RFX6: variants seen among roughly 807,000 people sequenced by gnomAD.
RFX6 encodes the protein regulatory factor X6.
RFX6 carries 50 observed loss-of-function variants against 110.8 expected under a neutral mutation model. The ratio of observed to expected loss-of-function variants is 0.45; its 90% CI spans 0.36 to 0.57. The LOEUF is 0.57. Ranked by LOEUF, RFX6 falls within the 20% of genes least tolerant of loss-of-function variation. RFX6 has a pLI of 0.00. For missense variants in RFX6, 990 were observed against 1,127.0 expected, an observed-to-expected ratio of 0.88 and a Z score of 1.74; for synonymous variants, 383 against 411.2, an observed-to-expected ratio of 0.93 and a Z score of 0.83.
intron 12 of RFX6, among the ~76,000 whole-genome samples, chr6:116,921,256 A>C (rs1345487765): frequency 6.6e-6 from 1 of 152,246 alleles, no homozygotes; most frequent in East Asian, 1.9e-4. Flanking sequence ...AACCTTTAAT[A>C]AAAGGATAGT....
At position 116,877,492 on chromosome 6, in the gene RFX6, A is replaced by G. The variant is rs1774487288; in HGVS notation, c.217A>G (p.Lys73Glu). The G allele has an allele frequency of 1.9e-6, 3 of 1,556,016 alleles. No individual in the cohort carries two copies. Among genetic ancestry groups the G allele is most frequent in the Non-Finnish European group, 1.7e-6 (2 of 1,149,348 alleles). The change falls in exon 1 of 19, where the codon AAA becomes GAA. Residue 73 changes from lysine (K) to glutamate (E), a missense_variant. Transcript: ENST00000332958. ...AGACCCGGAGCTGCCGGGGGCAGTG[A>G]AATCAGGTGAGTGCTCTGCCGCATC... ...GEDPELPGAV[K>E]SEMHLNNGNF... is the part of the protein sequence containing the mutation.
At chr6:116,907,571 C>T (rs879787982) in intron 6 of RFX6, among the ~76,000 whole-genome samples, 1 of 152,032 alleles carries the variant, frequency 6.6e-6, no homozygotes, top group Non-Finnish European at 1.5e-5. Context: ...AAGTTCATCC[C>T]ATGTTGGTTG....
intron 6 of RFX6, among the ~76,000 whole-genome samples, chr6:116,907,915 T>C (rs1017482317): frequency 6.6e-6 from 1 of 152,122 alleles, no homozygotes; most frequent in Non-Finnish European, 1.5e-5. Flanking sequence ...TGTTATTATC[T>C]GTTATCTGTA....
intron 9 of RFX6, 137 bp downstream of exon 9, chr6:116,916,451 C>A: frequency 1.5e-6 from 1 of 685,300 alleles, no homozygotes; most frequent in South Asian, 1.6e-5. Context: ...GATGAGAAAG[C>A]AAGCAATTTA....
intron 6 of RFX6, among the ~76,000 whole-genome samples, chr6:116,896,967 A>G (rs1281760046): frequency 6.6e-6 from 1 of 152,146 alleles, no homozygotes; most frequent in Non-Finnish European, 1.5e-5. Context: ...CTAGGAGACA[A>G]AATGGTGAAT....
chr6:116,896,787 C>A (rs339344), intron 6 of RFX6, among the ~76,000 whole-genome samples: 3 of 151,970 alleles, frequency 2.0e-5, no homozygotes, highest in Admixed American at 2.0e-4. Context: ...TCTTCATATA[C>A]GTCAGTTCAT....
intron 6 of RFX6, among the ~76,000 whole-genome samples, chr6:116,898,010 TGA>T (rs1562137713): frequency 6.6e-6 from 1 of 151,552 alleles, no homozygotes; most frequent in Non-Finnish European, 1.5e-5. Flanking sequence ...TTGTGAAAAG[TGA>T]GAGAGGAAGA....
intron 7 of RFX6, among the ~76,000 whole-genome samples, chr6:116,912,497 T>C (rs1380511289): frequency 6.6e-6 from 1 of 152,182 alleles, no homozygotes; most frequent in Non-Finnish European, 1.5e-5. Flanking sequence ...TTTTACCTTA[T>C]AGATGTAATG....
At chr6:116,883,415 CA>C (rs1774634210) in intron 4 of RFX6, among the ~76,000 whole-genome samples, 1 of 152,088 alleles carries the variant, frequency 6.6e-6, no homozygotes, top group Admixed American at 6.6e-5. Context: ...ACATCACATC[CA>C]GCACTGATCA....
chr6:116,908,669 T>TACACACAC lies in RFX6; in HGVS notation c.673-2254_673-2247dup, dbSNP rs753592440. On this transcript the variant is annotated intron_variant, in intron 6 of 18. Transcript: ENST00000332958. Reference sequence around the variant, plus strand: ...ATTAAGTTTTCCTCTATTTCTAGCATACACACACACACACACACAGACACA... The same window carrying TACACACAC: ...ATTAAGTTTTCCTCTATTTCTAGCATACACACACACACACACACACACACACAGACACA... Among the ~76,000 whole-genome samples the TACACACAC allele has an allele frequency of 6.9e-3, 708 of 102,344 alleles. 7 individuals are homozygous for TACACACAC. Among genetic ancestry groups the TACACACAC allele is most frequent in the African/African-American group, 0.023 (663 of 28,764 alleles). 67.1% of individuals were successfully genotyped at this position (102,344 alleles called of 152,430 possible). A position where few individuals can be genotyped will look rare whatever the true frequency, so the allele number is the denominator to read the frequency against.
intron 7 of RFX6, among the ~76,000 whole-genome samples, chr6:116,913,961 T>C (rs1243559640): frequency 6.6e-6 from 1 of 152,240 alleles, no homozygotes; most frequent in Non-Finnish European, 1.5e-5. Context: ...TCTAGCTACT[T>C]TGAATATGCA....
At position 116,927,313 on chromosome 6, in the gene RFX6, T is replaced by G. The variant is rs778316762; in HGVS notation, c.2172T>G (p.His724Gln). The change falls in exon 17 of 19, where the codon CAT becomes CAG. Residue 724 changes from histidine to glutamine, a missense_variant. This residue lies in a region of RFX6 where 438 missense variants were observed against 441.9 expected (regional missense o/e 0.99). Transcript: ENST00000332958. Reference sequence around the variant, plus strand: ...GACTCTATCCTCATCACACCGAGCATGGTCGATGCATGGCTTGGACTGAAC... The same window carrying G: ...GACTCTATCCTCATCACACCGAGCAGGGTCGATGCATGGCTTGGACTGAAC... ...TSGLYPHHTE[H>Q]GRCMAWTEQQ... 3 of 1,614,196 alleles carry G rather than the reference T, an allele frequency of 1.9e-6. No homozygotes were observed. The highest frequency in any genetic ancestry group is 2.5e-6 in the Non-Finnish European group (3 of 1,180,016).
intron 7 of RFX6, among the ~76,000 whole-genome samples, chr6:116,914,202 T>G (rs1775416235): frequency 1.3e-5 from 2 of 152,154 alleles, no homozygotes; most frequent in Non-Finnish European, 2.9e-5. Flanking sequence ...TCTGCTTGGC[T>G]TATTCTACTT....
At chr6:116,896,937 G>A (rs1774960902) in intron 6 of RFX6, among the ~76,000 whole-genome samples, 1 of 152,150 alleles carries the variant, frequency 6.6e-6, no homozygotes, top group Admixed American at 6.6e-5. Flanking sequence ...TTAATTAACA[G>A]ATGTATTACA....
chr6:116,927,150 C>T lies in RFX6; in HGVS notation c.2009C>T (p.Pro670Leu), dbSNP rs1350175625. ...PMAGRPPSVG[P>L]VLSAPSHCST... ...GCAGGGAGGCCCCCAAGTGTGGGCC[C>T]AGTACTGTCAGCTCCATCACACTGC... is the stretch of plus-strand genomic sequence containing the variant. Residue 670 changes from proline (P) to leucine (L), a missense_variant, in exon 17 of 19, where the codon CCA becomes CTA. Pro to Leu is a moderately conservative substitution (Grantham distance 98). Around this residue, in one of 5 missense-constraint regions of RFX6, gnomAD observed 438 missense variants for 441.9 expected, o/e 0.99. Coordinates refer to ENST00000332958, the MANE Select transcript of RFX6 (RefSeq NM_173560.4). 6 of 1,614,034 alleles carry T rather than the reference C, an allele frequency of 3.7e-6. No individual in the cohort carries two copies. The Admixed American group carries it at 1.0e-4, about 27-fold the overall frequency.
intron 4 of RFX6, among the ~76,000 whole-genome samples, chr6:116,891,036 T>A (rs545980699): frequency 6.6e-6 from 1 of 152,316 alleles, no homozygotes; most frequent in South Asian, 2.1e-4. Context: ...AGCAATTTTT[T>A]TAAAATGTGA....
intron 12 of RFX6, among the ~76,000 whole-genome samples, chr6:116,921,205 A>C (rs1036969973): frequency 1.3e-5 from 2 of 152,308 alleles, no homozygotes; most frequent in South Asian, 4.1e-4. Context: ...TTATTTCCTA[A>C]CATAAAATAG....
chr6:116,911,132 A>G, intron 7 of RFX6, 90 bp downstream of exon 7: 3 of 900,752 alleles, frequency 3.3e-6, no homozygotes, highest in Non-Finnish European at 3.7e-6. Context: ...TGCAGGAAGC[A>G]ATCAGAAATC....
intron 2 of RFX6, among the ~76,000 whole-genome samples, chr6:116,879,617 C>G (rs1345339581): frequency 6.6e-6 from 1 of 151,840 alleles, no homozygotes; most frequent in Non-Finnish European, 1.5e-5. Context: ...CAATTTTAAT[C>G]TGCAGACTCT....
Sources: gnomAD v4.1 joint callset for allele counts (sites outside exome capture counted in the v4.1 genomes callset) on GRCh38, gnomAD v4.1.1 for gene constraint, gnomAD v4.1.1 regional missense constraint, MANE v1.5 for transcripts, NCBI Gene and HGNC (gene_info 2026-07-23, HGNC 2026-07-21) for gene names.